PIGS: variants seen among roughly 807,000 people sequenced by gnomAD.
PIGS encodes phosphatidylinositol glycan anchor biosynthesis class S, also known as GPI-anchor transamidase component PIGS.
A neutral mutation model predicts 58.2 loss-of-function variants in PIGS; 37 were observed. The observed-to-expected ratio is 0.64, with a 90% CI of 0.49 to 0.84. PIGS has a LOEUF of 0.84. Among genes scored for constraint, PIGS ranks in the 40% least tolerant of loss-of-function variants. PIGS has a pLI of 0.00. For synonymous variants in PIGS, 269 were observed against 289.2 expected (o/e 0.93, Z 0.71); for missense variants, 629 against 710.8 (o/e 0.88, Z 1.31).
chr17:28,565,374 T>G (rs1274269393), intron 3 of PIGS, among the ~76,000 whole-genome samples: 2 of 152,174 alleles, frequency 1.3e-5, no homozygotes, highest in African/African-American at 2.4e-5. Context: ...ACAAGGCCCC[T>G]AGATGAATAT....
intron 5 of PIGS, 126 bp downstream of exon 5, chr17:28,563,305 A>AATT: frequency 2.6e-6 from 2 of 767,480 alleles, no homozygotes; most frequent in Non-Finnish European, 4.2e-6. Context: ...AAAAAAAAAA[A>AATT]TTTTTTTTTG....
chr17:28,558,905 A>G (rs933493988), intron 7 of PIGS, among the ~76,000 whole-genome samples: 9 of 152,204 alleles, frequency 5.9e-5, no homozygotes, highest in Non-Finnish European at 1.0e-4. Flanking sequence ...AATTACTCCC[A>G]CTAGGAAGAC....
chr17:28,571,182 G>A lies in PIGS; in HGVS notation c.41C>T (p.Ala14Val). 1.9e-6 allele frequency: 3 copies of A among 1,613,048 alleles called. No homozygotes were observed. Among genetic ancestry groups the A allele is most frequent in the Non-Finnish European group, 2.5e-6 (3 of 1,179,876 alleles). The change falls in exon 2 of 12, where the codon GCC (alanine) becomes GTC (valine). Residue 14 changes from alanine to valine, a missense_variant. Physicochemically the swap from Ala to Val is moderately conservative, Grantham distance 64. Transcript: ENST00000308360. ...GAAGAGGGCGGCGCGCTTGCCCCGG[G>A]CCACCTCTGAGGGCATGGGGAACCG... ...AGAAATHLEV[A>V]RGKRAALFFA...
rs766974049 is a variant in PIGS at position 28,560,102 on chromosome 17, G to A, written c.766C>T (p.Gln256Ter). The A allele has an allele frequency of 6.2e-7, 1 of 1,613,434 alleles. No homozygotes were observed. The highest frequency in any genetic ancestry group is 8.5e-7 in the Non-Finnish European group (1 of 1,179,742). The change falls in exon 7 of 12, where the codon CAA becomes TAA. Residue 256 changes from glutamine (Q) to a stop codon, truncating the protein, a stop_gained. Transcript: ENST00000308360. LOFTEE classifies it high-confidence loss of function. ...GCACCGAGGGCATTCAGGAAAGGTT[G>A]CACATAGCGCCGGACAGCCCCCTCA... ...DIEGAVRRYVQPFLNALGAAG... is the reference protein window; with the variant it reads ...DIEGAVRRYV
chr17:28,571,395 TC>T, intron 1 of PIGS, 67 bp downstream of exon 1: 1 of 1,580,734 alleles, frequency 6.3e-7, no homozygotes, highest in Non-Finnish European at 8.6e-7. Flanking sequence ...CACACCACAA[TC>T]CCCACCCCTG....
At chr17:28,564,721 A>C (rs1378343904) in intron 3 of PIGS, among the ~76,000 whole-genome samples, 1 of 151,710 alleles carries the variant, frequency 6.6e-6, no homozygotes, top group East Asian at 1.9e-4. Context: ...ATCTCAAAAA[A>C]AAAAAAAAAA....
Position 28,558,476 on chromosome 17 carries a change from C to G in PIGS, c.934G>C (p.Gly312Arg). The G allele has an allele frequency of 3.1e-6, 5 of 1,608,900 alleles. No individual in the cohort carries two copies. The highest frequency in any genetic ancestry group is 4.2e-6 in the Non-Finnish European group (5 of 1,176,884). The change falls in exon 8 of 12, where the codon GGA becomes CGA. Residue 312 changes from glycine to arginine, a missense_variant and splice_region_variant. Physicochemically the swap from Gly to Arg is moderately radical, Grantham distance 125. Transcript: ENST00000308360. ...HVINPVESRL[G>R]SSAASLYPVL... ...AAGACCCTCATCCTTAGGTGCTCAC[C>G]CAGCCGGGACTCCACTGGGTTGATG...
intron 10 of PIGS, 145 bp downstream of exon 10, chr17:28,556,021 T>C (rs1372795233): frequency 5.9e-6 from 4 of 676,776 alleles, no homozygotes; most frequent in Middle Eastern, 4.0e-4. Flanking sequence ...AGAAGGATGA[T>C]GGGATCCTTA....
chr17:28,562,032 C>G (rs988438380), intron 5 of PIGS, among the ~76,000 whole-genome samples: 4 of 152,026 alleles, frequency 2.6e-5, no homozygotes, highest in African/African-American at 9.7e-5. Context: ...AGAAATAATC[C>G]AAATGTCCAT....
At chr17:28,559,681 T>C (rs1057414392) in intron 7 of PIGS, among the ~76,000 whole-genome samples, 15 of 107,424 alleles carry the variant, frequency 1.4e-4, no homozygotes, top group Admixed American at 2.6e-4. Flanking sequence ...AGCCTGGTAA[T>C]AGAACAAGAC....
chr17:28,561,280 A>G, intron 6 of PIGS, 142 bp downstream of exon 6: 1 of 500,536 alleles, frequency 2.0e-6, no homozygotes, highest in African/African-American at 2.0e-5. Flanking sequence ...AAAAAAAATA[A>G]TAATAATAAT....
At position 28,571,516 on chromosome 17, in the gene PIGS, G is replaced by C. The variant is rs1430966571; in HGVS notation, c.-20C>G. The C allele has an allele frequency of 3.1e-6, 5 of 1,595,866 alleles. No individual in the cohort carries two copies. Among genetic ancestry groups the C allele is most frequent in the Non-Finnish European group, 4.3e-6 (5 of 1,171,448 alleles). On this transcript the variant is annotated 5_prime_UTR_variant, in exon 1 of 12. Transcript: ENST00000308360. ...CGCCATGCTAGCTTCCGGCTGCTCC[G>C]GCCACCGTGGGGGCAGAGCTTCGTG... is the stretch of plus-strand genomic sequence containing the variant.
At position 28,554,475 on chromosome 17, in the gene PIGS, G is replaced by A. The variant is rs770743383; in HGVS notation, c.1413C>T (p.Ala471=). 93 of 1,613,934 alleles carry A rather than the reference G, an allele frequency of 5.8e-5. No homozygotes were observed. Among genetic ancestry groups the A allele is most frequent in the South Asian group, 4.1e-4 (37 of 91,082 alleles). The part of the protein sequence containing the change: ...VASEVYKAVA[A]VQKSAEELAS... ...CCAACTCTTCTGCCGACTTCTGGACGGCAGCTACAGCCTTGTACACCTAGG... is the reference window on the plus strand; with the variant it reads ...CCAACTCTTCTGCCGACTTCTGGACAGCAGCTACAGCCTTGTACACCTAGG... The change falls in exon 12 of 12, where the codon GCC becomes GCT. Residue 471 remains alanine, a synonymous_variant. Transcript: ENST00000308360.
chr17:28,565,539 T>C (rs1349283724), intron 3 of PIGS, among the ~76,000 whole-genome samples: 1 of 152,208 alleles, frequency 6.6e-6, no homozygotes, highest in Non-Finnish European at 1.5e-5. Context: ...CTTTTCTTTA[T>C]AAAAGAATTC....
At chr17:28,563,299 AAAAAAATTTTT>A (rs1344197766) in intron 5 of PIGS, 121 bp downstream of exon 5, 1 of 802,456 alleles carries the variant, frequency 1.2e-6, no homozygotes. Context: ...TCTCAAAAAA[AAAAAAATTTTT>A]TTTTGGAGAG....
intron 3 of PIGS, among the ~76,000 whole-genome samples, chr17:28,565,173 G>A (rs1387791418): frequency 6.6e-6 from 1 of 152,136 alleles, no homozygotes; most frequent in African/African-American, 2.4e-5. Context: ...AAGATGACTA[G>A]ATACAAGGAT....
In PIGS at chr17:28,571,468, T is replaced by C. The variant is rs879680253; in HGVS notation, c.29A>G (p.His10Arg). Reference sequence around the variant, plus strand: ...CCACCCGAAGCCCACCGCACCTAGGTGTGTAGCCGCAGCCCCGGCGGCCGC... The same window carrying C: ...CCACCCGAAGCCCACCGCACCTAGGCGTGTAGCCGCAGCCCCGGCGGCCGC... MAAAGAAAT[H>R]LEVARGKRAA... Residue 10 changes from histidine (H) to arginine (R), a missense_variant, in exon 1 of 12, where the codon CAC becomes CGC. Coordinates refer to ENST00000308360, the MANE Select transcript of PIGS (RefSeq NM_033198.4). 6.2e-7 allele frequency: 1 copy of C among 1,609,792 alleles called. No individual in the cohort carries two copies.
Position 28,561,618 on chromosome 17 carries a change from G to C in PIGS, c.480C>G (p.Ser160Arg). The C allele has an allele frequency of 6.2e-7, 1 of 1,612,224 alleles. No homozygotes were observed. The highest frequency in any genetic ancestry group is 8.5e-7 in the Non-Finnish European group (1 of 1,179,118). The change falls in exon 6 of 12, where the codon AGC becomes AGG. Residue 160 changes from serine (S) to arginine (R), a missense_variant. Coordinates refer to ENST00000308360, the MANE Select transcript of PIGS (RefSeq NM_033198.4). ...CTGCTGTCCTCTTGGGCCCAATGTA[G>C]CTCATCATGTCCTGTGGGGGTGAGC... ...HSSLLPQDMM[S>R]YIGPKRTAVV...
chr17:28,554,524 A>G, intron 11 of PIGS, 29 bp from the exon 12 acceptor site: 2 of 1,606,948 alleles, frequency 1.2e-6, no homozygotes, highest in Non-Finnish European at 1.7e-6. Flanking sequence ...AAGAGGGTAT[A>G]CCAGTAAGTC....
Sources: gnomAD v4.1 joint callset for allele counts (sites outside exome capture counted in the v4.1 genomes callset) on GRCh38, gnomAD v4.1.1 for gene constraint, MANE v1.5 for transcripts, NCBI Gene and HGNC (gene_info 2026-07-23, HGNC 2026-07-21) for gene names.